Variants in DOCK9 observed in about 807,000 individuals in gnomAD.
DOCK9 encodes the protein dedicator of cytokinesis protein 9.
A neutral mutation model predicts 263.3 loss-of-function variants in DOCK9; 89 were observed. The ratio of observed to expected loss-of-function variants is 0.34; its 90% CI spans 0.28 to 0.40. The LOEUF (loss-of-function observed/expected upper bound fraction) is 0.40. Ranked by LOEUF, DOCK9 falls within the 10% of genes least tolerant of loss-of-function variation. DOCK9 has a pLI of 1.00. For missense variants in DOCK9, 2,140 were observed against 2,603.4 expected, an observed-to-expected ratio of 0.82 and a Z score of 3.87; for synonymous variants, 976 against 973.1, an observed-to-expected ratio of 1.00 and a Z score of -0.06.
intron 15 of DOCK9, among the ~76,000 whole-genome samples, chr13:98,895,354 A>C (rs1254998498): frequency 6.6e-6 from 1 of 152,064 alleles, no homozygotes; most frequent in Non-Finnish European, 1.5e-5. Flanking sequence ...AATGTAAAGG[A>C]ATAAAACGTA....
chr13:98,863,145 C>T lies in DOCK9; in HGVS notation c.3466-13G>A, dbSNP rs1371206967. Reference sequence around the variant, plus strand: ...TTGCCTGATGGCTCTGAAAAGAAGACACACATGGTAAGTTTGACCCAGGAT... The same window carrying T: ...TTGCCTGATGGCTCTGAAAAGAAGATACACATGGTAAGTTTGACCCAGGAT... On this transcript the variant is annotated splice_polypyrimidine_tract_variant and intron_variant, in intron 31 of 52. Transcript: ENST00000682017. 4.4e-6 allele frequency: 7 copies of T among 1,592,016 alleles called. No homozygotes were observed. Among genetic ancestry groups the T allele is most frequent in the African/African-American group, 1.3e-5 (1 of 74,710 alleles).
chr13:98,798,726 G>A (rs183108220), intron 50 of DOCK9, among the ~76,000 whole-genome samples: 13 of 152,288 alleles, frequency 8.5e-5, no homozygotes, highest in Non-Finnish European at 1.8e-4. Flanking sequence ...ACAGAAATAC[G>A]CAAATAAAAT....
intron 2 of DOCK9, among the ~76,000 whole-genome samples, chr13:98,944,901 G>T (rs2056507810): frequency 6.6e-6 from 1 of 152,206 alleles, no homozygotes; most frequent in South Asian, 2.1e-4. Context: ...AGGCATAGAA[G>T]ATATTTTTCA....
intron 7 of DOCK9, among the ~76,000 whole-genome samples, chr13:98,919,379 G>A (rs1317028203): frequency 6.6e-6 from 1 of 152,090 alleles, no homozygotes; most frequent in African/African-American, 2.4e-5. Flanking sequence ...GATTACAGGC[G>A]TGAGCCACTG....
intron 1 of DOCK9, among the ~76,000 whole-genome samples, chr13:99,080,005 A>C (rs1455489728): frequency 6.6e-6 from 1 of 152,152 alleles, no homozygotes; most frequent in East Asian, 1.9e-4. Flanking sequence ...GCACCACTGC[A>C]CTCCAGCCTG....
chr13:99,075,840 T>C (rs1265967380), intron 1 of DOCK9, among the ~76,000 whole-genome samples: 1 of 152,160 alleles, frequency 6.6e-6, no homozygotes, highest in Non-Finnish European at 1.5e-5. Flanking sequence ...AAAATAAACT[T>C]CATGGGCTTA....
chr13:98,801,082 C>T (rs1284304121), intron 49 of DOCK9, among the ~76,000 whole-genome samples: 1 of 152,050 alleles, frequency 6.6e-6, no homozygotes, highest in East Asian at 1.9e-4. Flanking sequence ...AGTTTAAGAC[C>T]AGCCTGGGCA....
intron 6 of DOCK9, 101 bp downstream of exon 6, chr13:98,921,950 G>T: frequency 2.0e-6 from 2 of 1,024,370 alleles, no homozygotes; most frequent in East Asian, 2.7e-5. Flanking sequence ...TGTCCCTTTT[G>T]TGGGGAAGAA....
intron 36 of DOCK9, 63 bp from the exon 37 acceptor site, chr13:98,848,702 T>C: frequency 6.8e-7 from 1 of 1,478,762 alleles, no homozygotes; most frequent in Non-Finnish European, 9.3e-7. Context: ...GGGACGTTAT[T>C]TATCTGTTAA....
chr13:99,020,506 T>C (rs1483035138), intron 1 of DOCK9, among the ~76,000 whole-genome samples: 1 of 152,176 alleles, frequency 6.6e-6, no homozygotes, highest in African/African-American at 2.4e-5. Flanking sequence ...ACCTCAGCCA[T>C]GCAGCCTGAG....
chr13:99,002,412 C>G (rs1266835923), intron 1 of DOCK9, among the ~76,000 whole-genome samples: 2 of 152,148 alleles, frequency 1.3e-5, no homozygotes, highest in Non-Finnish European at 2.9e-5. Context: ...TTGAGCATCA[C>G]AGAACACACT....
In DOCK9 at chr13:98,829,021, G is replaced by A. The variant is rs1286123664; in HGVS notation, c.4965+286C>T. Among the ~76,000 whole-genome samples, 1 of 152,144 alleles carries A rather than the reference G, an allele frequency of 6.6e-6. No homozygotes were observed. The highest frequency in any genetic ancestry group is 1.5e-5 in the Non-Finnish European group (1 of 68,032). On this transcript the variant is annotated intron_variant, in intron 43 of 52. Coordinates refer to ENST00000682017, the MANE Select transcript of DOCK9 (RefSeq NM_001366683.2). The surrounding 1 kb of genome is among the most constrained non-coding windows in gnomAD (Gnocchi z 4.1). ...AAAATAGCTGAATTTTAGAACTACA[G>A]AGGAATTTTGATGTGTATTTTAATT...
chr13:98,852,643 A>G (rs987819895), intron 35 of DOCK9, among the ~76,000 whole-genome samples: 2 of 152,216 alleles, frequency 1.3e-5, no homozygotes, highest in African/African-American at 4.8e-5. Context: ...ACCTTAATGA[A>G]GTTCACAGCA....
At chr13:98,905,443 A>C (rs2048939093) in intron 9 of DOCK9, among the ~76,000 whole-genome samples, 1 of 152,204 alleles carries the variant, frequency 6.6e-6, no homozygotes, top group East Asian at 1.9e-4. Context: ...ACCACCTCCC[A>C]AGGGAAGGCC....
In DOCK9 at chr13:98,888,681, A is replaced by G; in HGVS notation, c.1740T>C (p.Ile580=). The G allele has an allele frequency of 6.2e-7, 1 of 1,613,916 alleles. No individual in the cohort carries two copies. Among genetic ancestry groups the G allele is most frequent in the Non-Finnish European group, 8.5e-7 (1 of 1,179,850 alleles). ...KPEKMAKLPV[I]LGNLDITIDN... ...CAATTGTAATGTCTAGATTGCCTAAAATCACTGGGAGCTTAGCCATCTTCT... is the reference window on the plus strand; with the variant it reads ...CAATTGTAATGTCTAGATTGCCTAAGATCACTGGGAGCTTAGCCATCTTCT... The change falls in exon 16 of 53, where the codon ATT becomes ATC. Residue 580 remains isoleucine, a synonymous_variant. Coordinates refer to ENST00000682017, the MANE Select transcript of DOCK9 (RefSeq NM_001366683.2).
At chr13:98,847,152 C>CA (rs1387833596) in intron 37 of DOCK9, 3 of 157,970 alleles carry the variant, frequency 1.9e-5, no homozygotes, top group Non-Finnish European at 4.2e-5. Context: ...TTCAGCTTCT[C>CA]ACATTCACTG....
intron 30 of DOCK9, 74 bp from the exon 31 acceptor site, chr13:98,863,622 A>C: frequency 2.8e-6 from 4 of 1,454,538 alleles, no homozygotes; most frequent in Non-Finnish European, 3.7e-6. Flanking sequence ...AAACAAACAA[A>C]CAAAAAAAAC....
At chr13:99,066,200 T>C (rs2041408214) in intron 1 of DOCK9, among the ~76,000 whole-genome samples, 1 of 152,216 alleles carries the variant, frequency 6.6e-6, no homozygotes, top group African/African-American at 2.4e-5. Context: ...GGTGTTTTTC[T>C]AGAAACAATG....
intron 1 of DOCK9, among the ~76,000 whole-genome samples, chr13:99,046,868 T>TACTAC (rs1178341244): frequency 6.6e-6 from 1 of 152,220 alleles, no homozygotes; most frequent in African/African-American, 2.4e-5. Flanking sequence ...GTACAAAGTG[T>TACTAC]AGCTTTGGAT....
Sources: allele counts gnomAD v4.1 joint callset (sites outside exome capture counted in the v4.1 genomes callset), GRCh38; gene constraint gnomAD v4.1.1; non-coding constraint Gnocchi (gnomAD v3.1); transcripts MANE v1.5; gene names NCBI Gene and HGNC (gene_info 2026-07-23, HGNC 2026-07-21).